GRIP1: variants seen among roughly 807,000 people sequenced by gnomAD.
GRIP1 encodes the protein glutamate receptor interacting protein 1.
A neutral mutation model predicts 129.9 loss-of-function variants in GRIP1; 45 were observed. The ratio of observed to expected loss-of-function variants is 0.35; its 90% CI spans 0.27 to 0.44. The LOEUF (loss-of-function observed/expected upper bound fraction) is 0.44. Ranked by LOEUF, GRIP1 falls within the 20% of genes least tolerant of loss-of-function variation. The probability of loss-of-function intolerance (pLI) is 1.00; values close to 1 mark genes in which losing one functional copy is unlikely to be tolerated. For missense variants in GRIP1, 1,196 were observed against 1,396.8 expected, an observed-to-expected ratio of 0.86 and a Z score of 2.29; for synonymous variants, 530 against 520.8, an observed-to-expected ratio of 1.02 and a Z score of -0.24.
chr12:66,627,139 C>G (rs1309189735), intron 1 of GRIP1, among the ~76,000 whole-genome samples: 1 of 152,192 alleles, frequency 6.6e-6, no homozygotes, highest in Non-Finnish European at 1.5e-5. Context: ...GTAGCTCACA[C>G]TCACTTTACA....
At chr12:66,961,758 A>G (rs763761163) in intron 1 of GRIP1, among the ~76,000 whole-genome samples, 1 of 152,162 alleles carries the variant, frequency 6.6e-6, no homozygotes, top group Non-Finnish European at 1.5e-5. Context: ...TCTAAGCTCC[A>G]TGAGGGCAAG....
At chr12:66,800,255 A>G (rs1393619713) in intron 1 of GRIP1, among the ~76,000 whole-genome samples, 3 of 152,158 alleles carry the variant, frequency 2.0e-5, no homozygotes, top group Non-Finnish European at 4.4e-5. Context: ...ATTGGTCACT[A>G]ATGACTGCCC....
chr12:66,511,167 T>C (rs991368674), intron 7 of GRIP1, among the ~76,000 whole-genome samples: 2 of 152,012 alleles, frequency 1.3e-5, no homozygotes, highest in African/African-American at 2.4e-5. Context: ...CTGATGGTTT[T>C]ATAAAGGAGA....
chr12:66,772,393 A>C (rs766957093), intron 1 of GRIP1, among the ~76,000 whole-genome samples: 2 of 152,362 alleles, frequency 1.3e-5, no homozygotes, highest in Non-Finnish European at 2.9e-5. Context: ...CAGGGAGCTA[A>C]AACCCCAAAT....
chr12:66,733,175 A>C (rs1465693997), intron 1 of GRIP1, among the ~76,000 whole-genome samples: 1 of 152,136 alleles, frequency 6.6e-6, no homozygotes, highest in Non-Finnish European at 1.5e-5. Context: ...ATAAATAAGT[A>C]TTTACTGTGG....
intron 7 of GRIP1, among the ~76,000 whole-genome samples, chr12:66,487,503 G>A (rs933786411): frequency 6.6e-6 from 1 of 152,088 alleles, no homozygotes. Context: ...ATGGAAAGGA[G>A]AAACTATTAC....
chr12:66,849,981 T>C (rs1460256421), intron 1 of GRIP1, among the ~76,000 whole-genome samples: 1 of 152,160 alleles, frequency 6.6e-6, no homozygotes, highest in Admixed American at 6.6e-5. Flanking sequence ...CAGTTTCCTC[T>C]TTCCTCATCT....
intron 1 of GRIP1, among the ~76,000 whole-genome samples, chr12:66,816,066 A>G (rs2039213299): frequency 6.6e-6 from 1 of 152,160 alleles, no homozygotes; most frequent in African/African-American, 2.4e-5. Flanking sequence ...GAGAAAAAAT[A>G]GTAAATTTTT....
chr12:66,659,522 C>A (rs1049813090), intron 1 of GRIP1, among the ~76,000 whole-genome samples: 2 of 152,206 alleles, frequency 1.3e-5, no homozygotes, highest in South Asian at 2.1e-4. Flanking sequence ...TGCATTAATA[C>A]AGTGTCACAT....
intron 1 of GRIP1, among the ~76,000 whole-genome samples, chr12:66,865,686 C>G (rs1278308354): frequency 1.3e-5 from 2 of 152,200 alleles, no homozygotes; most frequent in South Asian, 2.1e-4. Context: ...ATCTCCCCCT[C>G]AGCTTTTTCT....
chr12:66,672,745 A>G (rs1199417453), intron 1 of GRIP1, among the ~76,000 whole-genome samples: 2 of 152,142 alleles, frequency 1.3e-5, no homozygotes, highest in Non-Finnish European at 2.9e-5. Flanking sequence ...CAAATTATAT[A>G]TTTTCCGCCA....
At chr12:66,898,439 A>C (rs2040788952) in intron 1 of GRIP1, among the ~76,000 whole-genome samples, 1 of 152,152 alleles carries the variant, frequency 6.6e-6, no homozygotes, top group Non-Finnish European at 1.5e-5. Flanking sequence ...CAGTTATTAA[A>C]TTGCTTCTAC....
intron 23 of GRIP1, among the ~76,000 whole-genome samples, chr12:66,361,563 G>A (rs1296221669): frequency 2.0e-5 from 3 of 152,202 alleles, no homozygotes; most frequent in African/African-American, 7.2e-5. Flanking sequence ...TTCTCCAAGA[G>A]ATCAAACCAA....
Position 66,348,168 on chromosome 12 carries a change from C to G in GRIP1, c.*851G>C, listed in dbSNP as rs1173766666. 6.6e-6 allele frequency: 1 copy of G among 152,144 alleles called. No individual in the cohort carries two copies. Among genetic ancestry groups the G allele is most frequent in the Non-Finnish European group, 1.5e-5 (1 of 68,036 alleles). The allele number at this position is 152,144 out of a possible 1,614,324, so 9.4% of individuals were successfully genotyped here. On this transcript the variant is annotated 3_prime_UTR_variant, in exon 25 of 25. Transcript: ENST00000359742. Reference sequence around the variant, plus strand: ...TTACCAGTTTTCAAAACATGTCAAGCAGTATGAGTTTGGTTTGCCTATCAT... The same window carrying G: ...TTACCAGTTTTCAAAACATGTCAAGGAGTATGAGTTTGGTTTGCCTATCAT...
intron 14 of GRIP1, among the ~76,000 whole-genome samples, chr12:66,425,922 T>C (rs1592837452): frequency 6.6e-6 from 1 of 151,998 alleles, no homozygotes; most frequent in Non-Finnish European, 1.5e-5. Flanking sequence ...TGTATACATA[T>C]GTAACAAACC....
At chr12:66,423,286 T>C (rs2057871964) in intron 14 of GRIP1, among the ~76,000 whole-genome samples, 1 of 152,184 alleles carries the variant, frequency 6.6e-6, no homozygotes, top group South Asian at 2.1e-4. Context: ...CATACAGTTT[T>C]TGTTGGGAGG....
At chr12:67,029,238 T>C (rs552925944) in intron 1 of GRIP1, among the ~76,000 whole-genome samples, 1 of 152,222 alleles carries the variant, frequency 6.6e-6, no homozygotes, top group Non-Finnish European at 1.5e-5. Flanking sequence ...AGCCTCCCGA[T>C]AGCTAGCATG....
chr12:66,359,689 T>C (rs920536192), intron 23 of GRIP1, among the ~76,000 whole-genome samples: 1 of 152,232 alleles, frequency 6.6e-6, no homozygotes, highest in African/African-American at 2.4e-5. Context: ...GGATACTGAA[T>C]TTCAATAGCC....
chr12:66,725,509 A>G (rs1040631032), intron 1 of GRIP1, among the ~76,000 whole-genome samples: 3 of 152,192 alleles, frequency 2.0e-5, no homozygotes, highest in Non-Finnish European at 4.4e-5. Context: ...AGGTATATAT[A>G]CTGCTTTTAC....
Sources: gnomAD v4.1 joint callset for allele counts (sites outside exome capture counted in the v4.1 genomes callset) on GRCh38, gnomAD v4.1.1 for gene constraint, MANE v1.5 for transcripts, NCBI Gene and HGNC (gene_info 2026-07-23, HGNC 2026-07-21) for gene names.